NAPEPLD: variants seen among roughly 807,000 people sequenced by gnomAD.
NAPEPLD encodes N-acyl-phosphatidylethanolamine-hydrolyzing phospholipase D.
A neutral mutation model predicts 38.1 loss-of-function variants in NAPEPLD; 23 were observed. The ratio of observed to expected loss-of-function variants is 0.60; its 90% CI spans 0.43 to 0.86. The LOEUF (loss-of-function observed/expected upper bound fraction) is 0.86. NAPEPLD is among the 40% of genes least tolerant of loss of function. The pLI is 0.00. For missense variants in NAPEPLD, 411 were observed against 476.8 expected, an observed-to-expected ratio of 0.86 and a Z score of 1.28; for synonymous variants, 147 against 162.0, an observed-to-expected ratio of 0.91 and a Z score of 0.71.
In NAPEPLD at chr7:103,100,542, C is replaced by T. The variant is rs144342213; in HGVS notation, c.*2887G>A. On this transcript the variant is annotated 3_prime_UTR_variant, in exon 5 of 5. Transcript: ENST00000465647. The stretch of plus-strand genomic sequence containing the variant: ...TTGGCTTTTATAATTTGGGATTTCT[C>T]CTAATTGATGACCCACCCTATTGGG... The T allele has an allele frequency of 1.3e-5, 2 of 152,294 alleles. No homozygotes were observed. Among genetic ancestry groups the T allele is most frequent in the African/African-American group, 4.8e-5 (2 of 41,554 alleles). 9.4% of individuals were successfully genotyped at this position (152,294 alleles called of 1,614,324 possible). A position where few individuals can be genotyped will look rare whatever the true frequency, so the allele number is the denominator to read the frequency against.
chr7:103,130,969 C>A (rs1808812039), intron 1 of NAPEPLD, among the ~76,000 whole-genome samples: 1 of 152,036 alleles, frequency 6.6e-6, no homozygotes, highest in Admixed American at 6.6e-5. Context: ...TAAGTTCAGG[C>A]CAAGGACTTT....
In NAPEPLD at chr7:103,100,017, C is replaced by T. The variant is rs1345370417; in HGVS notation, c.*3412G>A. ...AAAGCTTTAAGAATACTTTAAATTT[C>T]ATTTGTAAATACATAGATGCAAGAC... On this transcript the variant is annotated 3_prime_UTR_variant, in exon 5 of 5. Coordinates refer to ENST00000465647, the MANE Select transcript of NAPEPLD (RefSeq NM_001122838.3). 1.3e-5 allele frequency: 2 copies of T among 152,166 alleles called. No homozygotes were observed. Among genetic ancestry groups the T allele is most frequent in the Non-Finnish European group, 2.9e-5 (2 of 68,024 alleles). The allele number at this position is 152,166 out of a possible 1,614,324, so 9.4% of individuals were successfully genotyped here.
At position 103,100,809 on chromosome 7, in the gene NAPEPLD, G is replaced by C. The variant is rs1178552536; in HGVS notation, c.*2620C>G. 7 of 152,220 alleles carry C rather than the reference G, an allele frequency of 4.6e-5. No homozygotes were observed. Among genetic ancestry groups the C allele is most frequent in the Non-Finnish European group, 1.0e-4 (7 of 68,038 alleles). The allele number at this position is 152,220 out of a possible 1,614,324, so 9.4% of individuals were successfully genotyped here. On this transcript the variant is annotated 3_prime_UTR_variant, in exon 5 of 5. Transcript: ENST00000465647. ...ATGTAGATAACAAATGAAAAATAAAGTGGAACCCACTCAATAAGGTGAGAT... is the reference window on the plus strand; with the variant it reads ...ATGTAGATAACAAATGAAAAATAAACTGGAACCCACTCAATAAGGTGAGAT...
chr7:103,103,315 G>T lies in NAPEPLD; in HGVS notation c.*114C>A. On this transcript the variant is annotated 3_prime_UTR_variant, in exon 5 of 5. Transcript: ENST00000465647. ...ACAAAACATAAAACATAAACTTGCA[G>T]AAGTTGTTTCCAAATGTAAAATAAT... 4 of 1,259,662 alleles carry T rather than the reference G, an allele frequency of 3.2e-6. No individual in the cohort carries two copies. In the South Asian group the frequency reaches 6.5e-5, roughly 21 times the overall value. The allele number at this position is 1,259,662 out of a possible 1,614,324, so 78.0% of individuals were successfully genotyped here. A position where few individuals can be genotyped will look rare whatever the true frequency, so the allele number is the denominator to read the frequency against.
intron 2 of NAPEPLD, among the ~76,000 whole-genome samples, chr7:103,121,812 AG>A (rs1276902722): frequency 2.0e-5 from 3 of 152,110 alleles, no homozygotes; most frequent in Non-Finnish European, 4.4e-5. Flanking sequence ...GTACTGGATA[AG>A]TAGTTAAAAT....
intron 1 of NAPEPLD, among the ~76,000 whole-genome samples, chr7:103,140,669 A>C (rs1443840420): frequency 4.6e-5 from 7 of 152,036 alleles, no homozygotes; most frequent in Non-Finnish European, 7.4e-5. Flanking sequence ...CAGAACTCTT[A>C]ATTCAAAACA....
At chr7:103,127,631 G>A (rs967442679) in intron 2 of NAPEPLD, 2 of 152,054 alleles carry the variant, frequency 1.3e-5, no homozygotes, top group African/African-American at 4.8e-5. Flanking sequence ...ACTGCTGAAC[G>A]ACCACCTGAG....
chr7:103,110,298 T>C (rs1409192203), intron 4 of NAPEPLD, among the ~76,000 whole-genome samples: 2 of 152,092 alleles, frequency 1.3e-5, no homozygotes, highest in African/African-American at 4.8e-5. Context: ...AGAGAAAATT[T>C]CAGGCCAATA....
At chr7:103,139,333 G>A (rs1395479341) in intron 1 of NAPEPLD, among the ~76,000 whole-genome samples, 1 of 152,020 alleles carries the variant, frequency 6.6e-6, no homozygotes, top group Non-Finnish European at 1.5e-5. Context: ...ATCCATTAGG[G>A]AAAAAAATCA....
Position 103,102,645 on chromosome 7 carries a change from A to G in NAPEPLD, c.*784T>C, listed in dbSNP as rs1563340724. 1 of 152,116 alleles carries G rather than the reference A, an allele frequency of 6.6e-6. No homozygotes were observed. The allele number at this position is 152,116 out of a possible 1,614,324, so 9.4% of individuals were successfully genotyped here. Reference sequence around the variant, plus strand: ...TTTGGGAATTGTAGACGTGCAATAGAATATACTGTTCCCTCTCATCTGAAG... The same window carrying G: ...TTTGGGAATTGTAGACGTGCAATAGGATATACTGTTCCCTCTCATCTGAAG... On this transcript the variant is annotated 3_prime_UTR_variant, in exon 5 of 5. Transcript: ENST00000465647.
upstream of NAPEPLD, chr7:103,149,250 G>C: frequency 1.0e-6 from 1 of 998,182 alleles, no homozygotes; most frequent in Non-Finnish European, 1.2e-6. Flanking sequence ...CCAGAGCGGC[G>C]GGGTGCGAGC....
intron 1 of NAPEPLD, among the ~76,000 whole-genome samples, chr7:103,132,662 G>A (rs1381197821): frequency 6.6e-6 from 1 of 152,114 alleles, no homozygotes; most frequent in African/African-American, 2.4e-5. Flanking sequence ...AGCCCACTGT[G>A]GTGTTGCAGG....
At chr7:103,146,339 C>T (rs1367752773) in intron 1 of NAPEPLD, among the ~76,000 whole-genome samples, 1 of 147,926 alleles carries the variant, frequency 6.8e-6, no homozygotes, top group Non-Finnish European at 1.5e-5. Flanking sequence ...AGCGAGACTC[C>T]GTCTCAAAAA....
In NAPEPLD at chr7:103,100,107, C is replaced by G. The variant is rs912448130; in HGVS notation, c.*3322G>C. 1.3e-5 allele frequency: 2 copies of G among 152,084 alleles called. No homozygotes were observed. Among genetic ancestry groups the G allele is most frequent in the African/African-American group, 4.8e-5 (2 of 41,422 alleles). The allele number at this position is 152,084 out of a possible 1,614,324, so 9.4% of individuals were successfully genotyped here. On this transcript the variant is annotated 3_prime_UTR_variant, in exon 5 of 5. Transcript: ENST00000465647. ...GTGTGTTCTCAATGTTACCCTGATA[C>G]AGAAATCAAACTTGGAAGAAATATT...
At chr7:103,134,784 CAAA>C (rs940401579) in intron 1 of NAPEPLD, among the ~76,000 whole-genome samples, 11 of 152,244 alleles carry the variant, frequency 7.2e-5, no homozygotes, top group African/African-American at 2.6e-4. Context: ...TATTTAAGAG[CAAA>C]AGGACTTATC....
chr7:103,108,053 G>A (rs1803742540), intron 4 of NAPEPLD, among the ~76,000 whole-genome samples: 1 of 151,924 alleles, frequency 6.6e-6, no homozygotes, highest in Non-Finnish European at 1.5e-5. Flanking sequence ...ACCCATAAAG[G>A]GAAGCCCATC....
rs1274798233 is a variant in NAPEPLD at position 103,135,741 on chromosome 7, ATC to A, written c.-16-6951_-16-6950del. 2.4e-4 allele frequency among the ~76,000 whole-genome samples: 5 copies of A among 20,422 alleles called. No homozygotes were observed. The Non-Finnish European group carries it at 3.9e-3, about 16-fold the overall frequency. The allele number at this position is 20,422 out of a possible 152,430, so 13.4% of individuals were successfully genotyped here. On this transcript the variant is annotated intron_variant, in intron 1 of 4. Coordinates refer to ENST00000465647, the MANE Select transcript of NAPEPLD (RefSeq NM_001122838.3). The stretch of plus-strand genomic sequence containing the variant: ...TACATTTAGATATATGTACATATAA[ATC>A]TATATATATATATATATCACCAAAC...
intron 2 of NAPEPLD, among the ~76,000 whole-genome samples, chr7:103,123,334 T>A (rs1807091358): frequency 6.6e-6 from 1 of 152,228 alleles, no homozygotes; most frequent in Non-Finnish European, 1.5e-5. Context: ...ACAAAATTTG[T>A]TGAATGGATG....
chr7:103,125,814 G>A (rs1358940818), intron 2 of NAPEPLD, among the ~76,000 whole-genome samples: 1 of 151,912 alleles, frequency 6.6e-6, no homozygotes, highest in African/African-American at 2.4e-5. Flanking sequence ...TTGAACCCGG[G>A]AGGCAGAGGT....
Sources: gnomAD v4.1 joint callset for allele counts (sites outside exome capture counted in the v4.1 genomes callset) on GRCh38, gnomAD v4.1.1 for gene constraint, MANE v1.5 for transcripts, NCBI Gene and HGNC (gene_info 2026-07-23, HGNC 2026-07-21) for gene names.